Variants in MDN1 observed in about 807,000 individuals in gnomAD.
MDN1 encodes midasin.
A neutral mutation model predicts 669.2 loss-of-function variants in MDN1; 266 were observed. The ratio of observed to expected loss-of-function variants is 0.40; its 90% CI spans 0.36 to 0.44. The LOEUF is 0.44. Among genes scored for constraint, MDN1 ranks in the 20% least tolerant of loss-of-function variants. The pLI, the probability that MDN1 is intolerant of heterozygous loss-of-function variation, is 1.00. For synonymous variants in MDN1, 2,385 were observed against 2,457.1 expected (o/e 0.97, Z 0.87); for missense variants, 5,940 against 6,754.0 (o/e 0.88, Z 4.22).
intron 63 of MDN1, among the ~76,000 whole-genome samples, chr6:89,691,473 G>C (rs951410151): frequency 6.6e-6 from 1 of 152,136 alleles, no homozygotes; most frequent in African/African-American, 2.4e-5. Flanking sequence ...CAGCAATCCT[G>C]ATCTCTAAAA....
At chr6:89,754,311 G>C (rs1032311930) in intron 20 of MDN1, 81 bp from the exon 21 acceptor site, 2 of 1,424,910 alleles carry the variant, frequency 1.4e-6, no homozygotes, top group South Asian at 2.8e-5. Flanking sequence ...AAACCCAAAG[G>C]ACATTTTTTA....
Position 89,658,268 on chromosome 6 carries a change from G to C in MDN1, c.15124C>G (p.Gln5042Glu). ...SCGQTGVENM[Q>E]NTQAMELAGA... ...GCCAGCTCCATGGCCTGTGTGTTCT[G>C]CATGTTCTCCACACCAGTCTGCCCA... The change falls in exon 90 of 102, where the codon CAG (glutamine) becomes GAG (glutamate). Residue 5042 changes from glutamine to glutamate, a missense_variant. Physicochemically the swap from Gln to Glu is conservative, Grantham distance 29 (BLOSUM62 2). Around this residue, in one of 5 missense-constraint regions of MDN1, gnomAD observed 2,280 missense variants for 2,576.3 expected, o/e 0.88. Coordinates refer to ENST00000369393, the MANE Select transcript of MDN1 (RefSeq NM_014611.3). The C allele has an allele frequency of 6.2e-7, 1 of 1,614,194 alleles. No homozygotes were observed.
At chr6:89,690,623 T>A (rs375438638) in intron 64 of MDN1, 50 bp downstream of exon 64, 4 of 1,601,656 alleles carry the variant, frequency 2.5e-6, no homozygotes, top group Non-Finnish European at 8.5e-7. Context: ...GGAATGTATA[T>A]GGCATCAAGG....
Position 89,730,690 on chromosome 6 carries a change from G to A in MDN1, c.5140+36C>T, listed in dbSNP as rs1470990085. ...AAAAGCCAAGTATCTATGATCTATAGAAAAGGAAAATTCATTTTTTAAAAA... is the reference window on the plus strand; with the variant it reads ...AAAAGCCAAGTATCTATGATCTATAAAAAAGGAAAATTCATTTTTTAAAAA... On this transcript the variant is annotated intron_variant, in intron 35 of 101. Coordinates refer to ENST00000369393, the MANE Select transcript of MDN1 (RefSeq NM_014611.3). 1.9e-6 allele frequency: 3 copies of A among 1,563,216 alleles called. No homozygotes were observed. In the East Asian group the frequency reaches 6.7e-5, roughly 35 times the overall value.
chr6:89,700,869 C>T lies in MDN1; in HGVS notation c.8428-13G>A. ...CCACCAGCTTGTCCTGAAACAACAACACCCACAAGAGCATACTATAGAGCA... is the reference window on the plus strand; with the variant it reads ...CCACCAGCTTGTCCTGAAACAACAATACCCACAAGAGCATACTATAGAGCA... On this transcript the variant is annotated splice_polypyrimidine_tract_variant and intron_variant, in intron 55 of 101. Coordinates refer to ENST00000369393, the MANE Select transcript of MDN1 (RefSeq NM_014611.3). 1 of 1,612,626 alleles carries T rather than the reference C, an allele frequency of 6.2e-7. No homozygotes were observed. Among genetic ancestry groups the T allele is most frequent in the African/African-American group, 1.3e-5 (1 of 75,022 alleles).
intron 88 of MDN1, among the ~76,000 whole-genome samples, chr6:89,660,452 G>A (rs1267519019): frequency 6.6e-6 from 1 of 151,548 alleles, no homozygotes; most frequent in East Asian, 1.9e-4. Context: ...CCAAAGTGTT[G>A]GGATTACAGA....
chr6:89,771,254 A>G (rs1271143841), intron 15 of MDN1, among the ~76,000 whole-genome samples: 9 of 152,188 alleles, frequency 5.9e-5, no homozygotes. Context: ...CATGGGACAC[A>G]TGAAGAAGCA....
intron 95 of MDN1, among the ~76,000 whole-genome samples, chr6:89,651,644 AG>A (rs1808879614): frequency 6.6e-6 from 1 of 152,198 alleles, no homozygotes; most frequent in Non-Finnish European, 1.5e-5. Flanking sequence ...AAAAATGCTA[AG>A]GGCAAATCCC....
intron 15 of MDN1, among the ~76,000 whole-genome samples, chr6:89,765,988 A>T (rs542738354): frequency 1.6e-4 from 24 of 152,340 alleles, no homozygotes; most frequent in African/African-American, 4.8e-4. Context: ...AAGTAGACTG[A>T]GTTCCTTAAA....
At chr6:89,743,332 A>T (rs1291295498) in intron 30 of MDN1, 52 bp from the exon 31 acceptor site, 1 of 1,603,750 alleles carries the variant, frequency 6.2e-7, no homozygotes, top group African/African-American at 1.3e-5. Flanking sequence ...TCCACAGACA[A>T]TATACATGCA....
chr6:89,701,963 G>C lies in MDN1; in HGVS notation c.8247C>G (p.His2749Gln). 1 of 1,613,886 alleles carries C rather than the reference G, an allele frequency of 6.2e-7. No homozygotes were observed. Among genetic ancestry groups the C allele is most frequent in the Admixed American group, 1.7e-5 (1 of 60,018 alleles). ...PGLALLALHW[H>Q]WVLKHLVHQI... ...GGTGGACCAGATGTTTTAAAACCCA[G>C]TGCCAATGGAGGGCAAGAAGGGCCA... is the stretch of plus-strand genomic sequence containing the variant. Residue 2749 changes from histidine (H) to glutamine (Q), a missense_variant, in exon 54 of 102, where the codon CAC becomes CAG. Physicochemically the swap from His to Gln is conservative, Grantham distance 24. Around this residue, in one of 5 missense-constraint regions of MDN1, gnomAD observed 2,292 missense variants for 2,638.3 expected, o/e 0.87. Coordinates refer to ENST00000369393, the MANE Select transcript of MDN1 (RefSeq NM_014611.3).
At chr6:89,818,852 T>C (rs1769049160) in intron 1 of MDN1, among the ~76,000 whole-genome samples, 2 of 151,042 alleles carry the variant, frequency 1.3e-5, no homozygotes, top group Admixed American at 1.3e-4. Context: ...AAGGAGTCAA[T>C]GAGAAGGTTC....
chr6:89,690,742 A>G lies in MDN1; in HGVS notation c.10680T>C (p.Ser3560=), dbSNP rs1455217594. ...SGLYRYRSRN[S]RTALSEEEEE... ...CCTCCTCTTCACTCAGGGCTGTCCT[A>G]GAGTTCCTGCTCCTGTATCTATACA... Residue 3560 remains serine, a synonymous_variant, in exon 64 of 102, where the codon TCT becomes TCC. Coordinates refer to ENST00000369393, the MANE Select transcript of MDN1 (RefSeq NM_014611.3). The G allele has an allele frequency of 6.2e-7, 1 of 1,613,992 alleles. No individual in the cohort carries two copies. The highest frequency in any genetic ancestry group is 1.7e-5 in the Admixed American group (1 of 59,992).
intron 21 of MDN1, 53 bp from the exon 22 acceptor site, chr6:89,753,675 C>T (rs1195484124): frequency 7.2e-7 from 1 of 1,382,712 alleles, no homozygotes; most frequent in Non-Finnish European, 1.0e-6. Flanking sequence ...TGCAATACAA[C>T]CAAACTTATT....
At chr6:89,719,512 T>C (rs893591044) in intron 40 of MDN1, among the ~76,000 whole-genome samples, 2 of 152,222 alleles carry the variant, frequency 1.3e-5, no homozygotes, top group African/African-American at 4.8e-5. Flanking sequence ...CACTGTAGTA[T>C]TGAAATCTAG....
In MDN1 at chr6:89,668,165, A is replaced by C. The variant is rs777035807; in HGVS notation, c.13957-14T>G. Reference sequence around the variant, plus strand: ...CAAGCAAAATCCCTTAGAAAAAAGAAAAAGGAAGTGAACAATTAGGCACAA... The same window carrying C: ...CAAGCAAAATCCCTTAGAAAAAAGACAAAGGAAGTGAACAATTAGGCACAA... On this transcript the variant is annotated splice_polypyrimidine_tract_variant and intron_variant, in intron 83 of 101. Coordinates refer to ENST00000369393, the MANE Select transcript of MDN1 (RefSeq NM_014611.3). 1 of 1,613,550 alleles carries C rather than the reference A, an allele frequency of 6.2e-7. No individual in the cohort carries two copies. Among genetic ancestry groups the C allele is most frequent in the Non-Finnish European group, 8.5e-7 (1 of 1,179,842 alleles).
intron 21 of MDN1, 101 bp downstream of exon 21, chr6:89,753,981 TA>T (rs1488583067): frequency 8.7e-6 from 11 of 1,263,968 alleles, no homozygotes; most frequent in Non-Finnish European, 1.2e-5. Flanking sequence ...CTGATCTGAC[TA>T]ACTGGAAAGC....
chr6:89,710,442 G>T (rs1272728049), intron 50 of MDN1, among the ~76,000 whole-genome samples: 4 of 151,068 alleles, frequency 2.6e-5, no homozygotes, highest in Non-Finnish European at 5.9e-5. Flanking sequence ...ACCAAAGCAA[G>T]AGGATTGTTT....
chr6:89,699,581 T>C lies in MDN1; in HGVS notation c.8997+20A>G. ...CAACTCATAATGTAAAGGAGGCTTA[T>C]GTCTTATTGTGATTTTTACCTTCTG... is the stretch of plus-strand genomic sequence containing the variant. On this transcript the variant is annotated intron_variant, in intron 58 of 101. Coordinates refer to ENST00000369393, the MANE Select transcript of MDN1 (RefSeq NM_014611.3). 9 of 1,603,288 alleles carry C rather than the reference T, an allele frequency of 5.6e-6. No homozygotes were observed. The highest frequency in any genetic ancestry group is 1.1e-5 in the South Asian group (1 of 88,318).
Sources: gnomAD v4.1 joint callset for allele counts (sites outside exome capture counted in the v4.1 genomes callset) on GRCh38, gnomAD v4.1.1 for gene constraint, gnomAD v4.1.1 regional missense constraint, MANE v1.5 for transcripts, NCBI Gene and HGNC (gene_info 2026-07-23, HGNC 2026-07-21) for gene names.